CACNB2: variants seen among roughly 807,000 people sequenced by gnomAD.
The protein encoded by CACNB2 is voltage-dependent L-type calcium channel subunit beta-2.
CACNB2 carries 42 observed loss-of-function variants against 73.3 expected under a neutral mutation model. The observed-to-expected ratio is 0.57, with a 90% CI of 0.45 to 0.74. The LOEUF is 0.74. Ranked by LOEUF, CACNB2 falls within the 30% of genes least tolerant of loss-of-function variation. The pLI, the probability that CACNB2 is intolerant of heterozygous loss-of-function variation, is 0.00. For synonymous variants in CACNB2, 348 were observed against 310.3 expected (o/e 1.12, Z -1.28); for missense variants, 940 against 853.0 (o/e 1.10, Z -1.27).
At chr10:18,442,060 G>T (rs2046434343) in intron 3 of CACNB2, among the ~76,000 whole-genome samples, 1 of 152,140 alleles carries the variant, frequency 6.6e-6, no homozygotes, top group Non-Finnish European at 1.5e-5. Flanking sequence ...TGAAAATCTA[G>T]TCCCCTGAAT....
intron 2 of CACNB2, among the ~76,000 whole-genome samples, chr10:18,294,095 C>G (rs916729462): frequency 6.6e-6 from 1 of 152,334 alleles, no homozygotes; most frequent in Non-Finnish European, 1.5e-5. Flanking sequence ...ACATAGTAAA[C>G]TTCCCAGTGG....
chr10:18,447,943 A>C (rs534935085), intron 3 of CACNB2, among the ~76,000 whole-genome samples: 80 of 152,240 alleles, frequency 5.3e-4, no homozygotes, highest in African/African-American at 1.9e-3. Context: ...AGGATTAAGT[A>C]GAAGAAAAGA....
At chr10:18,447,823 C>T (rs1240397289) in intron 3 of CACNB2, among the ~76,000 whole-genome samples, 1 of 151,728 alleles carries the variant, frequency 6.6e-6, no homozygotes, top group African/African-American at 2.4e-5. Context: ...GAACAAGATT[C>T]AGATTTCTTT....
intron 2 of CACNB2, among the ~76,000 whole-genome samples, chr10:18,194,137 T>C (rs1370022564): frequency 4.6e-5 from 7 of 152,104 alleles, no homozygotes; most frequent in Non-Finnish European, 8.8e-5. Flanking sequence ...GCCTCTGAGC[T>C]CACTGCTGTG....
At chr10:18,371,652 A>T (rs1357509835) in intron 2 of CACNB2, among the ~76,000 whole-genome samples, 1 of 152,134 alleles carries the variant, frequency 6.6e-6, no homozygotes, top group African/African-American at 2.4e-5. Flanking sequence ...GAATAGTGCC[A>T]CAATAAACAT....
chr10:18,451,511 C>T (rs941371442), intron 3 of CACNB2, among the ~76,000 whole-genome samples: 8 of 152,162 alleles, frequency 5.3e-5, no homozygotes, highest in Non-Finnish European at 1.2e-4. Flanking sequence ...AGAATTTGTT[C>T]AATGTGAAGT....
intron 2 of CACNB2, among the ~76,000 whole-genome samples, chr10:18,286,834 A>G (rs2131735252): frequency 6.6e-6 from 1 of 152,302 alleles, no homozygotes; most frequent in Non-Finnish European, 1.5e-5. Flanking sequence ...ATTTTAAAGC[A>G]ATGCTAAGTT....
chr10:18,494,798 T>C (rs1319448335), intron 3 of CACNB2, among the ~76,000 whole-genome samples: 1 of 151,858 alleles, frequency 6.6e-6, no homozygotes, highest in East Asian at 1.9e-4. Context: ...TAAAACTGAG[T>C]TTGATGAAGA....
chr10:18,220,243 A>AGGGGGGG lies in CACNB2; in HGVS notation c.213+69269_213+69270insGGGGGGG, dbSNP rs1374853215. Among the ~76,000 whole-genome samples the AGGGGGGG allele has an allele frequency of 4.5e-5, 4 of 89,346 alleles. No homozygotes were observed. In the East Asian group the frequency reaches 1.1e-3, roughly 25 times the overall value. The allele number at this position is 89,346 out of a possible 152,430, so 58.6% of individuals were successfully genotyped here. ...TATATATATATATATAGAGAGAGAG[A>AGGGGGGG]GAGAGAGAGAGAGAGAGAGAGAGAG... On this transcript the variant is annotated intron_variant, in intron 2 of 13. Transcript: ENST00000324631.
In CACNB2 at chr10:18,194,735, A is replaced by G. The variant is rs79530339; in HGVS notation, c.213+43760A>G. 6.3e-3 allele frequency among the ~76,000 whole-genome samples: 957 copies of G among 152,334 alleles called. 6 individuals carry two copies. The highest frequency in any genetic ancestry group is 0.014 in the Admixed American group (220 of 15,292). On this transcript the variant is annotated intron_variant, in intron 2 of 13. Transcript: ENST00000324631. The stretch of plus-strand genomic sequence containing the variant: ...TCTTTTTGTCCCTGAGAAAATATCC[A>G]GATTCAACCTTATCTTTGCAGGCCT...
intron 3 of CACNB2, among the ~76,000 whole-genome samples, chr10:18,411,392 A>C (rs1370492877): frequency 6.6e-6 from 1 of 152,126 alleles, no homozygotes; most frequent in African/African-American, 2.4e-5. Context: ...CTCTAATGTT[A>C]ATTGATGATA....
At chr10:18,226,066 G>T (rs985175537) in intron 2 of CACNB2, among the ~76,000 whole-genome samples, 2 of 150,446 alleles carry the variant, frequency 1.3e-5, no homozygotes, top group Non-Finnish European at 3.0e-5. Flanking sequence ...TTGCTGTGTA[G>T]CCCGGGCTGG....
At chr10:18,299,995 T>C (rs912668843) in intron 2 of CACNB2, among the ~76,000 whole-genome samples, 1 of 151,766 alleles carries the variant, frequency 6.6e-6, no homozygotes. Context: ...GTAGAGCCTC[T>C]ACCCAGTGAA....
In CACNB2 at chr10:18,259,570, A is replaced by AAAAGAAAAC. The variant is rs2037439490; in HGVS notation, c.213+108598_213+108599insGAAAACAAA. 2.1e-4 allele frequency among the ~76,000 whole-genome samples: 24 copies of AAAAGAAAAC among 116,986 alleles called. 2 individuals are homozygous for AAAAGAAAAC. The highest frequency in any genetic ancestry group is 7.6e-4 in the East Asian group (3 of 3,940). 76.7% of individuals were successfully genotyped at this position (116,986 alleles called of 152,430 possible). On this transcript the variant is annotated intron_variant, in intron 2 of 13. Coordinates refer to ENST00000324631, the MANE Select transcript of CACNB2 (RefSeq NM_201596.3). ...AAAAAAAACAAAAAACAAACAAAAA[A>AAAAGAAAAC]AAAAAGTAAAAGTAGCCAGGCATGG... is the stretch of plus-strand genomic sequence containing the variant.
intron 2 of CACNB2, among the ~76,000 whole-genome samples, chr10:18,389,826 G>A (rs996350973): frequency 6.6e-6 from 1 of 152,192 alleles, no homozygotes; most frequent in Non-Finnish European, 1.5e-5. Context: ...TTGGTTTAAT[G>A]ATGGAAAATG....
chr10:18,338,661 T>G (rs964468664), intron 2 of CACNB2, among the ~76,000 whole-genome samples: 4 of 105,884 alleles, frequency 3.8e-5, no homozygotes, highest in African/African-American at 2.1e-4. Context: ...CTCTCTCTTT[T>G]TCTTTTTTTC....
intron 2 of CACNB2, among the ~76,000 whole-genome samples, chr10:18,329,854 T>C (rs564769454): frequency 2.0e-5 from 3 of 152,210 alleles, no homozygotes; most frequent in African/African-American, 7.2e-5. Flanking sequence ...GTTTTCTTTT[T>C]TGAGATGGAG....
rs1201225531 is a variant in CACNB2 at position 18,534,060 on chromosome 10, G to A, written c.1055-16G>A. On this transcript the variant is annotated splice_polypyrimidine_tract_variant and intron_variant, in intron 10 of 13. Coordinates refer to ENST00000324631, the MANE Select transcript of CACNB2 (RefSeq NM_201596.3). ...AAAAATACTGCACTTTAACTGAATT[G>A]TTTCGCCCTTTACAGCGGAAGTTCA... 1.9e-6 allele frequency: 3 copies of A among 1,613,834 alleles called. No homozygotes were observed. The highest frequency in any genetic ancestry group is 1.7e-5 in the Admixed American group (1 of 60,026).
Position 18,376,487 on chromosome 10 carries a change from G to A in CACNB2, c.214-25437G>A, listed in dbSNP as rs565296220. ...CCAATAATTGTAAGAGTTAATGAAA[G>A]AGGAAAGAAACACAAAATGTGGCTG... is the stretch of plus-strand genomic sequence containing the variant. On this transcript the variant is annotated intron_variant, in intron 2 of 13. Coordinates refer to ENST00000324631, the MANE Select transcript of CACNB2 (RefSeq NM_201596.3). Among the ~76,000 whole-genome samples, 53 of 152,268 alleles carry A rather than the reference G, an allele frequency of 3.5e-4. No homozygotes were observed. In the South Asian group the frequency reaches 9.3e-3, roughly 27 times the overall value.
Sources: allele counts gnomAD v4.1 joint callset (sites outside exome capture counted in the v4.1 genomes callset), GRCh38; gene constraint gnomAD v4.1.1; transcripts MANE v1.5; gene names NCBI Gene and HGNC (gene_info 2026-07-23, HGNC 2026-07-21).